The following VWA8 variants were observed in gnomAD, a reference collection of about 807,000 sequenced individuals.
The protein encoded by VWA8 is von Willebrand factor A domain-containing protein 8.
VWA8 carries 221 observed loss-of-function variants against 241.5 expected under a neutral mutation model. The observed-to-expected ratio is 0.91, with a 90% CI of 0.82 to 1.02. The LOEUF (loss-of-function observed/expected upper bound fraction) is 1.02. Among genes scored for constraint, VWA8 ranks in the 50% least tolerant of loss-of-function variants. The pLI is 0.00. For synonymous variants in VWA8, 852 were observed against 827.1 expected (o/e 1.03, Z -0.52); for missense variants, 2,322 against 2,328.7 (o/e 1.00, Z 0.06).
At chr13:41,688,302 A>G (rs1235058934) in intron 34 of VWA8, among the ~76,000 whole-genome samples, 1 of 152,128 alleles carries the variant, frequency 6.6e-6, no homozygotes, top group Non-Finnish European at 1.5e-5. Context: ...GAGTACCGTC[A>G]AGCAGAGCCC....
intron 29 of VWA8, among the ~76,000 whole-genome samples, chr13:41,694,386 C>G (rs1412195133): frequency 3.3e-5 from 5 of 152,002 alleles, no homozygotes; most frequent in African/African-American, 9.6e-5. Context: ...GCTTAAATTT[C>G]TTTCATAAAC....
At chr13:41,716,743 T>G (rs188129240) in intron 26 of VWA8, among the ~76,000 whole-genome samples, 13 of 152,090 alleles carry the variant, frequency 8.5e-5, no homozygotes, top group Non-Finnish European at 1.8e-4. Flanking sequence ...TAGCAAGAAC[T>G]GTTCATTCAG....
intron 17 of VWA8, among the ~76,000 whole-genome samples, chr13:41,788,285 A>T (rs1869298515): frequency 6.6e-6 from 1 of 152,200 alleles, no homozygotes. Flanking sequence ...CCAAATAAAC[A>T]TACTAAGAAC....
intron 14 of VWA8, among the ~76,000 whole-genome samples, chr13:41,828,491 AT>A (rs1307041930): frequency 5.3e-5 from 8 of 152,202 alleles, no homozygotes; most frequent in Admixed American, 3.3e-4. Context: ...TGAAAGAAGT[AT>A]TTTCCTTCAA....
chr13:41,672,928 A>G (rs2045035566), intron 36 of VWA8, among the ~76,000 whole-genome samples: 2 of 152,166 alleles, frequency 1.3e-5, no homozygotes, highest in African/African-American at 4.8e-5. Flanking sequence ...AAGCTGTATG[A>G]TTCTATTGAC....
At chr13:41,885,583 C>T (rs914254786) in intron 8 of VWA8, among the ~76,000 whole-genome samples, 1 of 152,198 alleles carries the variant, frequency 6.6e-6, no homozygotes, top group African/African-American at 2.4e-5. Context: ...AGTGTGAAAG[C>T]CCTAGCTCCC....
chr13:41,909,518 T>C, intron 3 of VWA8, among the ~76,000 whole-genome samples: 1 of 152,244 alleles, frequency 6.6e-6, no homozygotes, highest in Non-Finnish European at 1.5e-5. Context: ...TACTTCTTGC[T>C]TCTGGAACAC....
At chr13:41,592,148 G>C (rs1593636699) in intron 40 of VWA8, among the ~76,000 whole-genome samples, 1 of 148,244 alleles carries the variant, frequency 6.7e-6, no homozygotes, top group African/African-American at 2.5e-5. Context: ...AAAAAATGAT[G>C]AGTTCATGTC....
intron 36 of VWA8, among the ~76,000 whole-genome samples, chr13:41,673,996 T>C (rs1008906140): frequency 6.6e-6 from 1 of 152,234 alleles, no homozygotes; most frequent in Non-Finnish European, 1.5e-5. Flanking sequence ...TTGCTTTTGT[T>C]ACTTGAATTA....
At chr13:41,919,768 C>G (rs1343917249) in intron 2 of VWA8, among the ~76,000 whole-genome samples, 1 of 152,076 alleles carries the variant, frequency 6.6e-6, no homozygotes, top group African/African-American at 2.4e-5. Flanking sequence ...TGCCCCAACC[C>G]TCCAGCACAC....
intron 35 of VWA8, among the ~76,000 whole-genome samples, chr13:41,675,817 T>C (rs1006356681): frequency 6.6e-6 from 1 of 151,514 alleles, no homozygotes; most frequent in Non-Finnish European, 1.5e-5. Context: ...GACCACAGCA[T>C]CTGAGCATCA....
At chr13:41,718,201 T>G (rs926741906) in intron 26 of VWA8, among the ~76,000 whole-genome samples, 2 of 151,986 alleles carry the variant, frequency 1.3e-5, no homozygotes, top group Admixed American at 6.6e-5. Flanking sequence ...ATAAATTTGT[T>G]AATGGTAATA....
intron 20 of VWA8, among the ~76,000 whole-genome samples, chr13:41,777,361 A>G (rs1336375328): frequency 6.6e-6 from 1 of 152,156 alleles, no homozygotes; most frequent in Non-Finnish European, 1.5e-5. Flanking sequence ...AGGGGACAGG[A>G]AGTTCTCCCT....
intron 21 of VWA8, among the ~76,000 whole-genome samples, chr13:41,741,635 C>T (rs2045570281): frequency 6.6e-6 from 1 of 152,116 alleles, no homozygotes; most frequent in East Asian, 1.9e-4. Context: ...ATGCCTTCAA[C>T]ATTGTAGGCA....
At chr13:41,784,709 T>TAC (rs1566456249) in intron 18 of VWA8, among the ~76,000 whole-genome samples, 2 of 60,250 alleles carry the variant, frequency 3.3e-5, no homozygotes, top group Non-Finnish European at 7.5e-5. Flanking sequence ...TATATATATA[T>TAC]ATATATATAT....
At chr13:41,909,981 G>A (rs1034178012) in intron 3 of VWA8, among the ~76,000 whole-genome samples, 1 of 152,202 alleles carries the variant, frequency 6.6e-6, no homozygotes, top group African/African-American at 2.4e-5. Flanking sequence ...TACATAGGCT[G>A]TTATTCTTAG....
Position 41,611,706 on chromosome 13 carries a change from C to T in VWA8, c.4747G>A (p.Gly1583Ser). The change falls in exon 39 of 45, where the codon GGC becomes AGC. Residue 1583 changes from glycine (G) to serine (S), a missense_variant. By Grantham distance (56) the Gly-to-Ser change is moderately conservative. Coordinates refer to ENST00000379310, the MANE Select transcript of VWA8 (RefSeq NM_015058.2). Reference sequence around the variant, plus strand: ...TCCAGCCGGTAAGGGCCTCCTTTGCCACCCAGGCCTGCCGTGTCTCTTCCC... The same window carrying T: ...TCCAGCCGGTAAGGGCCTCCTTTGCTACCCAGGCCTGCCGTGTCTCTTCCC... ...TGGRDTAGLG[G>S]KGGPYRLDAG... is the part of the protein sequence containing the mutation. 1 of 1,614,036 alleles carries T rather than the reference C, an allele frequency of 6.2e-7. No individual in the cohort carries two copies. Among genetic ancestry groups the T allele is most frequent in the Non-Finnish European group, 8.5e-7 (1 of 1,179,950 alleles).
intron 4 of VWA8, among the ~76,000 whole-genome samples, chr13:41,896,095 A>T (rs1360087182): frequency 6.6e-6 from 1 of 152,084 alleles, no homozygotes; most frequent in African/African-American, 2.4e-5. Context: ...ACAGAATTTA[A>T]GAAGGTATGC....
intron 41 of VWA8, 63 bp downstream of exon 41, chr13:41,590,577 G>A: frequency 6.7e-7 from 1 of 1,489,998 alleles, no homozygotes; most frequent in South Asian, 1.4e-5. Context: ...ACTCACGAAA[G>A]CAAGTTTCTG....
Sources: allele counts gnomAD v4.1 joint callset (sites outside exome capture counted in the v4.1 genomes callset), GRCh38; gene constraint gnomAD v4.1.1; transcripts MANE v1.5; gene names NCBI Gene and HGNC (gene_info 2026-07-23, HGNC 2026-07-21).